PLXNA4: variants seen among roughly 807,000 people sequenced by gnomAD.
PLXNA4 encodes the protein plexin A4.
In PLXNA4, 44 loss-of-function variants were observed where a neutral mutation model predicts 191.8. That is an observed-to-expected ratio of 0.23 (90% CI 0.18 to 0.29). The LOEUF is 0.29. Ranked by LOEUF, PLXNA4 falls within the 10% of genes least tolerant of loss-of-function variation. The probability of loss-of-function intolerance (pLI) is 1.00; values close to 1 mark genes in which losing one functional copy is unlikely to be tolerated. For synonymous variants in PLXNA4, 1,082 were observed against 1,009.5 expected (o/e 1.07, Z -1.36); for missense variants, 1,800 against 2,488.8 (o/e 0.72, Z 5.89).
At chr7:132,269,295 C>T (rs1799971360) in intron 4 of PLXNA4, among the ~76,000 whole-genome samples, 1 of 152,182 alleles carries the variant, frequency 6.6e-6, no homozygotes, top group African/African-American at 2.4e-5. Flanking sequence ...TTTGAATAGA[C>T]TATTTTTTAG....
chr7:132,477,718 G>T (rs58528647), intron 3 of PLXNA4, among the ~76,000 whole-genome samples: 7,333 of 152,102 alleles, frequency 0.048, 515 homozygotes, highest in East Asian at 0.27. Flanking sequence ...CAGTTTAATT[G>T]GAAGAAGGTA....
chr7:132,397,816 T>C (rs1793825012), intron 3 of PLXNA4, among the ~76,000 whole-genome samples: 1 of 152,220 alleles, frequency 6.6e-6, no homozygotes, highest in African/African-American at 2.4e-5. Flanking sequence ...TTAAAAGCAA[T>C]AGCTAAGGAC....
intron 3 of PLXNA4, among the ~76,000 whole-genome samples, chr7:132,444,006 GT>G (rs1795797431): frequency 6.6e-6 from 1 of 152,184 alleles, no homozygotes; most frequent in East Asian, 1.9e-4. Flanking sequence ...CCCTGCCTTT[GT>G]TCTTTCTCTG....
At chr7:132,421,987 C>T (rs1794866738) in intron 3 of PLXNA4, among the ~76,000 whole-genome samples, 1 of 152,194 alleles carries the variant, frequency 6.6e-6, no homozygotes, top group Non-Finnish European at 1.5e-5. Flanking sequence ...CTAAAATTCT[C>T]CCAACAATGA....
rs181704481 is a variant in PLXNA4, at chr7:132,523,786, G to A, written c.-86-15007C>T. On this transcript the variant is annotated intron_variant, in intron 1 of 31. Transcript: ENST00000321063. ...CTGGTGATGTGGAAACAAGGGGGGC[G>A]GAAGAGAGGGACTTAGTCACACCTC... Among the ~76,000 whole-genome samples the A allele has an allele frequency of 3.2e-3, 492 of 152,126 alleles. 3 individuals carry two copies. Among genetic ancestry groups the A allele is most frequent in the Admixed American group, 3.9e-3 (59 of 15,294 alleles).
chr7:132,230,141 T>C (rs1301648807), intron 5 of PLXNA4, among the ~76,000 whole-genome samples: 1 of 152,154 alleles, frequency 6.6e-6, no homozygotes, highest in Non-Finnish European at 1.5e-5. Context: ...AATAGGCACA[T>C]GATATGGAGT....
In PLXNA4 at chr7:132,536,888, A is replaced by G. The variant is rs1799861143; in HGVS notation, c.-86-28109T>C. On this transcript the variant is annotated intron_variant, in intron 1 of 31. Transcript: ENST00000321063. ...GGAAAGTATTTCTGAAGAAAAGCAG[A>G]TTATTTTGAGCACGAACTGCTGAGT... 3.3e-5 allele frequency among the ~76,000 whole-genome samples: 5 copies of G among 152,342 alleles called. No individual in the cohort carries two copies. The South Asian group carries it at 1.0e-3, about 32-fold the overall frequency.
chr7:132,630,874 T>C (rs1803479640), intron 2 of PLXNA4, among the ~76,000 whole-genome samples: 1 of 152,232 alleles, frequency 6.6e-6, no homozygotes, highest in Non-Finnish European at 1.5e-5. Flanking sequence ...AAATTAAGTG[T>C]TTGATCTGTA....
chr7:132,508,812 A>T lies in PLXNA4; in HGVS notation c.-86-33T>A. 7.0e-7 allele frequency: 1 copy of T among 1,427,910 alleles called. No homozygotes were observed. Among genetic ancestry groups the T allele is most frequent in the East Asian group, 2.5e-5 (1 of 39,902 alleles). The allele number at this position is 1,427,910 out of a possible 1,614,324, so 88.5% of individuals were successfully genotyped here. ...AAGGGAAGACAATGAGCTGGATAAC[A>T]ATGCCAGTGGCTTCATTTCACCCCA... On this transcript the variant is annotated intron_variant, in intron 1 of 31. Transcript: ENST00000321063. The surrounding 1 kb of genome is among the most constrained non-coding windows in gnomAD (Gnocchi z 4.4).
chr7:132,318,750 G>A (rs749621526), intron 3 of PLXNA4, among the ~76,000 whole-genome samples: 2 of 141,262 alleles, frequency 1.4e-5, no homozygotes, highest in Non-Finnish European at 3.0e-5. Flanking sequence ...ATCTGTAGTT[G>A]TTACACAGGC....
intron 6 of PLXNA4, among the ~76,000 whole-genome samples, chr7:132,228,105 G>C (rs1223144243): frequency 1.3e-5 from 2 of 152,046 alleles, no homozygotes; most frequent in East Asian, 3.9e-4. Flanking sequence ...TGGTGATGGT[G>C]CTCCCTGTCT....
intron 3 of PLXNA4, among the ~76,000 whole-genome samples, chr7:132,467,207 A>T (rs1796738725): frequency 6.6e-6 from 1 of 152,128 alleles, no homozygotes; most frequent in Admixed American, 6.5e-5. Flanking sequence ...GGTCATCTCC[A>T]CAGCTCTGCA....
chr7:132,157,393 C>T (rs1445257414), intron 25 of PLXNA4, among the ~76,000 whole-genome samples: 1 of 152,180 alleles, frequency 6.6e-6, no homozygotes, highest in Non-Finnish European at 1.5e-5. Flanking sequence ...GGAGGCTTTG[C>T]ATCCCATAAA....
intron 1 of PLXNA4, among the ~76,000 whole-genome samples, chr7:132,538,545 C>T (rs58160543): frequency 6.6e-6 from 1 of 152,230 alleles, no homozygotes; most frequent in Non-Finnish European, 1.5e-5. Flanking sequence ...CTGTTATTTG[C>T]TCATTGTGTA....
intron 3 of PLXNA4, among the ~76,000 whole-genome samples, chr7:132,388,663 T>C (rs1805264758): frequency 6.6e-6 from 1 of 152,188 alleles, no homozygotes; most frequent in Non-Finnish European, 1.5e-5. Flanking sequence ...TTTCACCCAA[T>C]TACTTCTCCC....
chr7:132,461,365 C>G (rs1452963269), intron 3 of PLXNA4, among the ~76,000 whole-genome samples: 1 of 152,134 alleles, frequency 6.6e-6, no homozygotes, highest in African/African-American at 2.4e-5. Context: ...GACAGACGCA[C>G]TTGAAAAGCT....
intron 9 of PLXNA4, among the ~76,000 whole-genome samples, chr7:132,216,492 C>T (rs17216066): frequency 0.17 from 25,932 of 152,062 alleles, 2,337 homozygotes; most frequent in African/African-American, 0.2. Flanking sequence ...ATAATTGGTA[C>T]GTTGCAACCT....
chr7:132,251,323 C>G (rs1222527609), intron 4 of PLXNA4, among the ~76,000 whole-genome samples: 1 of 152,192 alleles, frequency 6.6e-6, no homozygotes, highest in Admixed American at 6.5e-5. Flanking sequence ...ACTATGGCCC[C>G]TTCTGAACTG....
At chr7:132,403,106 A>G (rs1794063375) in intron 3 of PLXNA4, among the ~76,000 whole-genome samples, 1 of 152,218 alleles carries the variant, frequency 6.6e-6, no homozygotes, top group Admixed American at 6.5e-5. Context: ...CCATGCCAAC[A>G]TCCCAGGAGG....
Sources: allele counts gnomAD v4.1 joint callset (sites outside exome capture counted in the v4.1 genomes callset), GRCh38; gene constraint gnomAD v4.1.1; non-coding constraint Gnocchi (gnomAD v3.1); transcripts MANE v1.5; gene names NCBI Gene and HGNC (gene_info 2026-07-23, HGNC 2026-07-21).